RPAIN: variants seen among roughly 807,000 people sequenced by gnomAD.
RPAIN encodes RPA-interacting protein.
In RPAIN, 29 loss-of-function variants were observed where a neutral mutation model predicts 30.5. The observed-to-expected ratio is 0.95, with a 90% CI of 0.71 to 1.30. The LOEUF (loss-of-function observed/expected upper bound fraction) is 1.30. Among genes scored for constraint, RPAIN ranks in the 50% most tolerant of loss-of-function variants. The pLI, the probability that RPAIN is intolerant of heterozygous loss-of-function variation, is 0.00. For missense variants in RPAIN, 247 were observed against 264.7 expected (o/e 0.93, Z 0.46); for synonymous variants, 101 against 93.5 (o/e 1.08, Z -0.46).
At chr17:5,430,544 C>T (rs898302570) in intron 6 of RPAIN, 6 of 152,210 alleles carry the variant, frequency 3.9e-5, no homozygotes, top group African/African-American at 1.2e-4. Context: ...TTACCATTCT[C>T]AATAAACCTA....
intron 2 of RPAIN, chr17:5,421,680 T>C (rs1407221506): frequency 5.1e-6 from 2 of 388,662 alleles, no homozygotes; most frequent in Middle Eastern, 6.4e-4. Flanking sequence ...TGCTCATCAC[T>C]GCAACATCAT....
intron 6 of RPAIN, chr17:5,429,628 A>C: frequency 1.0e-6 from 1 of 985,406 alleles, no homozygotes; most frequent in Non-Finnish European, 1.2e-6. Context: ...AGCAGGTGAA[A>C]GTTTAAATAA....
Position 5,420,193 on chromosome 17 carries a change from G to A in RPAIN, c.-18G>A, listed in dbSNP as rs1914577592. ...TCCAGGGAACGGGTCTTGTGGCTTTGTCTCCCGCGAAGAGGAGATGGCGGA... is the reference window on the plus strand; with the variant it reads ...TCCAGGGAACGGGTCTTGTGGCTTTATCTCCCGCGAAGAGGAGATGGCGGA... On this transcript the variant is annotated 5_prime_UTR_variant, in exon 1 of 7. Coordinates refer to ENST00000381209, the MANE Select transcript of RPAIN (RefSeq NM_001033002.4). The A allele has an allele frequency of 6.2e-7, 1 of 1,613,022 alleles. No individual in the cohort carries two copies. The highest frequency in any genetic ancestry group is 1.3e-5 in the African/African-American group (1 of 74,926).
chr17:5,432,550 T>C lies in RPAIN; in HGVS notation c.639T>C (p.Asp213=). The change falls in exon 7 of 7, where the codon GAT becomes GAC. Residue 213 remains aspartate, a synonymous_variant. Transcript: ENST00000381209. The part of the protein sequence containing the change: ...SSLLMSCLAC[D]TWAVIL ...TTCCTGTTTAAACCTAGGCCTGTGA[T>C]ACTTGGGCTGTGATCCTCTAGAGCC... 6.2e-7 allele frequency: 1 copy of C among 1,613,910 alleles called. No individual in the cohort carries two copies. The highest frequency in any genetic ancestry group is 8.5e-7 in the Non-Finnish European group (1 of 1,179,754).
Position 5,425,836 on chromosome 17 carries a change from A to G in RPAIN, c.314-135A>G, listed in dbSNP as rs972092193. 6.5e-6 allele frequency: 4 copies of G among 619,094 alleles called. No individual in the cohort carries two copies. The African/African-American group carries it at 7.4e-5, about 11-fold the overall frequency. 38.4% of individuals were successfully genotyped at this position (619,094 alleles called of 1,614,324 possible). A position where few individuals can be genotyped will look rare whatever the true frequency, so the allele number is the denominator to read the frequency against. On this transcript the variant is annotated intron_variant, in intron 3 of 6. Coordinates refer to ENST00000381209, the MANE Select transcript of RPAIN (RefSeq NM_001033002.4). Reference sequence around the variant, plus strand: ...GATGAAGCCAGCCTGAGAGAGCATAAAAACCAGTCATTGGTATTGTGGTCT... The same window carrying G: ...GATGAAGCCAGCCTGAGAGAGCATAGAAACCAGTCATTGGTATTGTGGTCT...
chr17:5,420,919 G>T (rs1352590108), intron 1 of RPAIN, among the ~76,000 whole-genome samples: 1 of 152,154 alleles, frequency 6.6e-6, no homozygotes, highest in South Asian at 2.1e-4. Context: ...AATGTTCCTT[G>T]GGGGACAAAA....
chr17:5,423,818 T>C (rs1045865100), intron 3 of RPAIN, among the ~76,000 whole-genome samples: 1 of 152,088 alleles, frequency 6.6e-6, no homozygotes, highest in Non-Finnish European at 1.5e-5. Context: ...AGTGGCGTGA[T>C]CACGGCCCAC....
At position 5,428,187 on chromosome 17, in the gene RPAIN, G is replaced by A. The variant is rs535943318; in HGVS notation, c.606G>A (p.Lys202=). Residue 202 remains lysine, a synonymous_variant, in exon 6 of 7, where the codon AAG becomes AAA. Coordinates refer to ENST00000381209, the MANE Select transcript of RPAIN (RefSeq NM_001033002.4). ...EFSVTGGTEE[K]SSLLMSCLAC... ...CAGTCACTGGAGGAACAGAAGAAAAGTCCAGTCTTCTCATGAGCTGTCTGG... is the reference window on the plus strand; with the variant it reads ...CAGTCACTGGAGGAACAGAAGAAAAATCCAGTCTTCTCATGAGCTGTCTGG... The A allele has an allele frequency of 1.9e-6, 3 of 1,614,072 alleles. No individual in the cohort carries two copies. Among genetic ancestry groups the A allele is most frequent in the East Asian group, 2.2e-5 (1 of 44,904 alleles).
At position 5,428,245 on chromosome 17, in the gene RPAIN, A is replaced by G. The variant is rs202148178; in HGVS notation, c.630+34A>G. On this transcript the variant is annotated intron_variant, in intron 6 of 6. Coordinates refer to ENST00000381209, the MANE Select transcript of RPAIN (RefSeq NM_001033002.4). ...CTCCTGGGACCCACTCTGTGGTAAG[A>G]GGGACCTGTGGTTGGTTTTATTCCC... 20 of 1,614,004 alleles carry G rather than the reference A, an allele frequency of 1.2e-5. 1 individual carries two copies. Among genetic ancestry groups the G allele is most frequent in the South Asian group, 9.9e-5 (9 of 91,080 alleles).
chr17:5,429,125 TTGG>T (rs1915673195), intron 6 of RPAIN: 39 of 984,550 alleles, frequency 4.0e-5, no homozygotes, highest in Non-Finnish European at 4.5e-5. Flanking sequence ...AAGCCTTGGG[TTGG>T]TAATAAGAGA....
At chr17:5,431,855 G>T in intron 6 of RPAIN, 1 of 333,632 alleles carries the variant, frequency 3.0e-6, no homozygotes, top group Non-Finnish European at 5.8e-6. Flanking sequence ...TGTGGAAGTG[G>T]TAAGAAACAA....
At chr17:5,429,870 G>A in intron 6 of RPAIN, 1 of 802,098 alleles carries the variant, frequency 1.2e-6, no homozygotes, top group South Asian at 5.7e-5. Flanking sequence ...TTCCTCACAA[G>A]GAATTGGCCA....
In RPAIN at chr17:5,432,642, C is replaced by A; in HGVS notation, c.*71C>A. 1 of 1,360,074 alleles carries A rather than the reference C, an allele frequency of 7.4e-7. No homozygotes were observed. Among genetic ancestry groups the A allele is most frequent in the Non-Finnish European group, 1.0e-6 (1 of 962,274 alleles). 84.3% of individuals were successfully genotyped at this position (1,360,074 alleles called of 1,614,324 possible). A position where few individuals can be genotyped will look rare whatever the true frequency, so the allele number is the denominator to read the frequency against. ...TTCCCTCTGAGGAGCCTTGTACATACAAGCCTTTTATTTATAACTTATTTT... is the reference window on the plus strand; with the variant it reads ...TTCCCTCTGAGGAGCCTTGTACATAAAAGCCTTTTATTTATAACTTATTTT... On this transcript the variant is annotated 3_prime_UTR_variant, in exon 7 of 7. Coordinates refer to ENST00000381209, the MANE Select transcript of RPAIN (RefSeq NM_001033002.4).
chr17:5,425,843 G>A (rs1398009680), intron 3 of RPAIN, 128 bp from the exon 4 acceptor site: 2 of 626,274 alleles, frequency 3.2e-6, no homozygotes, highest in Non-Finnish European at 5.7e-6. Context: ...ATAAAAACCA[G>A]TCATTGGTAT....
At chr17:5,427,938 A>T in intron 5 of RPAIN, 133 bp from the exon 6 acceptor site, 2 of 810,282 alleles carry the variant, frequency 2.5e-6, no homozygotes, top group Non-Finnish European at 4.2e-6. Context: ...CATGGGCCCG[A>T]GTGTCTTTAA....
At chr17:5,429,884 T>C in intron 6 of RPAIN, 3 of 663,062 alleles carry the variant, frequency 4.5e-6, no homozygotes, top group Non-Finnish European at 5.6e-6. Flanking sequence ...TTGGCCAGTC[T>C]CAGCTGGCCA....
intron 6 of RPAIN, chr17:5,431,838 T>C (rs977610704): frequency 2.3e-5 from 8 of 342,786 alleles, no homozygotes; most frequent in Non-Finnish European, 4.5e-5. Flanking sequence ...AAGCCAAACA[T>C]ATTACCTGTG....
At chr17:5,422,700 A>G in intron 2 of RPAIN, 69 bp from the exon 3 acceptor site, 1 of 1,445,838 alleles carries the variant, frequency 6.9e-7, no homozygotes, top group South Asian at 1.2e-5. Flanking sequence ...GCCTCCAAGT[A>G]TGAATCACTG....
chr17:5,431,741 G>A, intron 6 of RPAIN: 1 of 431,232 alleles, frequency 2.3e-6, no homozygotes, highest in South Asian at 1.7e-5. Flanking sequence ...GACGAGGAAT[G>A]TTTCGGATGT....
Sources: gnomAD v4.1 joint callset for allele counts (sites outside exome capture counted in the v4.1 genomes callset) on GRCh38, gnomAD v4.1.1 for gene constraint, MANE v1.5 for transcripts, NCBI Gene and HGNC (gene_info 2026-07-23, HGNC 2026-07-21) for gene names.